PCDH15: variants seen among roughly 807,000 people sequenced by gnomAD.
PCDH15 encodes the protein protocadherin related 15.
Under a neutral mutation model 178.5 loss-of-function variants are expected in PCDH15, and 129 were observed. The ratio of observed to expected loss-of-function variants is 0.72; its 90% confidence interval spans 0.63 to 0.84. The LOEUF (loss-of-function observed/expected upper bound fraction) is 0.84, where lower values mean the gene tolerates loss of function less well. Among genes scored for constraint, PCDH15 ranks in the 40% least tolerant of loss-of-function variants. The pLI is 0.00. For missense variants in PCDH15, 2,230 were observed against 2,099.9 expected (o/e 1.06, Z -1.21); for synonymous variants, 800 against 732.0 (o/e 1.09, Z -1.50).
At chr10:54,468,289 G>A (rs947727700) in intron 3 of PCDH15, among the ~76,000 whole-genome samples, 10 of 151,624 alleles carry the variant, frequency 6.6e-5, no homozygotes, top group South Asian at 2.1e-4. Context: ...TAATGTAGGC[G>A]TTTATTGCTA....
intron 1 of PCDH15, among the ~76,000 whole-genome samples, chr10:55,293,557 A>G (rs920592322): frequency 1.3e-5 from 2 of 152,200 alleles, no homozygotes; most frequent in Non-Finnish European, 2.9e-5. Context: ...CTTTAACAGC[A>G]CCCAAGTCAC....
intron 2 of PCDH15, among the ~76,000 whole-genome samples, chr10:55,517,793 A>T (rs1456072608): frequency 6.6e-6 from 1 of 152,132 alleles, no homozygotes; most frequent in Non-Finnish European, 1.5e-5. Context: ...CCTACCATGG[A>T]GTACTATTCA....
intron 5 of PCDH15, among the ~76,000 whole-genome samples, chr10:54,365,036 CCT>C (rs1946601898): frequency 6.6e-6 from 1 of 152,056 alleles, no homozygotes; most frequent in South Asian, 2.1e-4. Context: ...TCTTCCCTTG[CCT>C]CTCTCTGACT....
At position 54,214,018 on chromosome 10, in the gene PCDH15, T is replaced by C; in HGVS notation, c.1016A>G (p.His339Arg). ...AAGTTCTGCTGTCCTAGGATGCATA[T>C]GGAAAAATCGTGGGTAATCCTCAGG... ...GTPEDYPRFFHMHPRTAELSL... is the reference protein window; with the variant it reads ...GTPEDYPRFFRMHPRTAELSL... The change falls in exon 10 of 38, where the codon CAT becomes CGT. Residue 339 changes from histidine (H) to arginine (R), a missense_variant. Transcript: ENST00000644397. The C allele has an allele frequency of 2.5e-6, 4 of 1,610,580 alleles. No homozygotes were observed. The highest frequency in any genetic ancestry group is 1.1e-5 in the South Asian group (1 of 91,012).
chr10:55,553,548 T>C (rs1473523820), intron 2 of PCDH15, among the ~76,000 whole-genome samples: 1 of 151,838 alleles, frequency 6.6e-6, no homozygotes, highest in East Asian at 1.9e-4. Flanking sequence ...CCTTCCAATT[T>C]CTGTCCTGTG....
At position 54,067,053 on chromosome 10, in the gene PCDH15, G is replaced by A. The variant is rs11004028; in HGVS notation, c.2092-168C>T. Among the ~76,000 whole-genome samples the A allele has an allele frequency of 0.21, 32,598 of 151,798 alleles. 3,667 individuals carry two copies. The highest frequency in any genetic ancestry group is 0.25 in the Non-Finnish European group (16,804 of 67,870). ...AAAATAAAAAAATTAAAAAAAAGAA[G>A]CTTGCAAAGAAGCTTCCCACCTCAA... On this transcript the variant is annotated intron_variant, in intron 17 of 37. Coordinates refer to ENST00000644397, the MANE Select transcript of PCDH15 (RefSeq NM_001384140.1).
At chr10:54,285,451 A>C (rs2058973069) in intron 8 of PCDH15, among the ~76,000 whole-genome samples, 1 of 152,170 alleles carries the variant, frequency 6.6e-6, no homozygotes, top group South Asian at 2.1e-4. Flanking sequence ...AAGACATCAA[A>C]ATAGCCAACA....
At chr10:55,187,309 G>A (rs1333853246) in intron 1 of PCDH15, among the ~76,000 whole-genome samples, 2 of 151,896 alleles carry the variant, frequency 1.3e-5, no homozygotes, top group African/African-American at 4.8e-5. Flanking sequence ...CTCTATTTTT[G>A]TATTGAAATA....
intron 2 of PCDH15, among the ~76,000 whole-genome samples, chr10:54,653,708 G>A (rs773107372): frequency 9.9e-5 from 15 of 152,154 alleles, no homozygotes; most frequent in Non-Finnish European, 1.8e-4. Context: ...TCTTAAAAGT[G>A]CCAACTCAGT....
intron 2 of PCDH15, among the ~76,000 whole-genome samples, chr10:55,496,513 T>C (rs908448844): frequency 2.2e-4 from 33 of 151,718 alleles, no homozygotes; most frequent in African/African-American, 7.3e-4. Flanking sequence ...ATTAGACAAT[T>C]AAGTAACTAC....
At chr10:54,650,419 T>C (rs2094231219) in intron 2 of PCDH15, among the ~76,000 whole-genome samples, 1 of 152,132 alleles carries the variant, frequency 6.6e-6, no homozygotes. Context: ...AAGGACCCTA[T>C]GGAGTACTTG....
chr10:54,794,832 A>G (rs1037880959), intron 1 of PCDH15, among the ~76,000 whole-genome samples: 6 of 151,946 alleles, frequency 3.9e-5, no homozygotes, highest in African/African-American at 1.4e-4. Flanking sequence ...TCTTGCATTC[A>G]TTCCTAGATT....
rs146251268 is a variant in PCDH15, at chr10:54,196,402, A to G, written c.1099-513T>C. On this transcript the variant is annotated intron_variant, in intron 10 of 37. Coordinates refer to ENST00000644397, the MANE Select transcript of PCDH15 (RefSeq NM_001384140.1). ...CGTGATCCGCCCGCCTCAGCCTCCC[A>G]AAGTGCTGGGATTACAGGCGTGAGC... Among the ~76,000 whole-genome samples the G allele has an allele frequency of 4.8e-3, 731 of 152,282 alleles. 6 individuals are homozygous for G. Among genetic ancestry groups the G allele is most frequent in the African/African-American group, 0.017 (704 of 41,566 alleles).
chr10:55,090,871 A>G (rs1406981117), intron 2 of PCDH15, among the ~76,000 whole-genome samples: 2 of 151,660 alleles, frequency 1.3e-5, no homozygotes, highest in Non-Finnish European at 2.9e-5. Context: ...TTGCTAAGGC[A>G]TTCTAAAGAC....
intron 2 of PCDH15, among the ~76,000 whole-genome samples, chr10:55,469,467 G>A (rs1839910766): frequency 6.6e-6 from 1 of 151,872 alleles, no homozygotes; most frequent in Admixed American, 6.6e-5. Context: ...TCTAAACATT[G>A]CTGTTTCCCT....
intron 2 of PCDH15, among the ~76,000 whole-genome samples, chr10:55,466,333 T>C (rs567936392): frequency 2.0e-5 from 3 of 152,284 alleles, no homozygotes; most frequent in African/African-American, 7.2e-5. Flanking sequence ...ATAGATCATA[T>C]AGAGATAATT....
chr10:54,459,589 G>A (rs991426188), intron 3 of PCDH15, among the ~76,000 whole-genome samples: 4 of 152,022 alleles, frequency 2.6e-5, no homozygotes, highest in Admixed American at 6.6e-5. Flanking sequence ...AGAGATTGAC[G>A]TGAAGTCAGT....
chr10:54,471,006 C>T (rs750079429), intron 3 of PCDH15, among the ~76,000 whole-genome samples: 63 of 152,026 alleles, frequency 4.1e-4, no homozygotes, highest in African/African-American at 1.4e-3. Flanking sequence ...AAAAACCATA[C>T]GTGATTTTTG....
chr10:54,629,763 A>T (rs1164164156), intron 2 of PCDH15, among the ~76,000 whole-genome samples: 1 of 152,146 alleles, frequency 6.6e-6, no homozygotes, highest in Non-Finnish European at 1.5e-5. Context: ...AAAGAAAAAA[A>T]TACAAGGCAT....
Sources: allele counts gnomAD v4.1 joint callset (sites outside exome capture counted in the v4.1 genomes callset), GRCh38; gene constraint gnomAD v4.1.1; transcripts MANE v1.5; gene names NCBI Gene and HGNC (gene_info 2026-07-23, HGNC 2026-07-21).